Variants in ITPR1 observed in about 807,000 individuals in gnomAD.
ITPR1 encodes the protein inositol 1,4,5-trisphosphate-gated calcium channel ITPR1.
Under a neutral mutation model 318.4 loss-of-function variants are expected in ITPR1, and 96 were observed. That is an observed-to-expected ratio of 0.30 (90% confidence interval 0.26 to 0.36). The LOEUF (loss-of-function observed/expected upper bound fraction) is 0.36. Among genes scored for constraint, ITPR1 ranks in the 10% least tolerant of loss-of-function variants. The pLI is 1.00. For missense variants in ITPR1, 2,440 were observed against 3,460.2 expected (o/e 0.71, Z 7.40); for synonymous variants, 1,312 against 1,289.9 (o/e 1.02, Z -0.37).
At chr3:4,553,657 A>G (rs540977083) in intron 4 of ITPR1, among the ~76,000 whole-genome samples, 1 of 148,888 alleles carries the variant, frequency 6.7e-6, no homozygotes, top group African/African-American at 2.5e-5. Flanking sequence ...CTGGAGTGCA[A>G]TGGCATGATC....
chr3:4,671,003 G>T, intron 20 of ITPR1, 77 bp downstream of exon 20: 1 of 1,090,106 alleles, frequency 9.2e-7, no homozygotes, highest in Non-Finnish European at 1.3e-6. Flanking sequence ...CTCGTTTGTT[G>T]ATTACTTCAA....
At chr3:4,558,169 G>T (rs1447907008) in intron 4 of ITPR1, among the ~76,000 whole-genome samples, 1 of 152,168 alleles carries the variant, frequency 6.6e-6, no homozygotes, top group Non-Finnish European at 1.5e-5. Context: ...TATCTAAGAT[G>T]TAGGGGGAGA....
At chr3:4,646,732 G>C (rs997705809) in intron 10 of ITPR1, among the ~76,000 whole-genome samples, 1 of 152,182 alleles carries the variant, frequency 6.6e-6, no homozygotes, top group East Asian at 1.9e-4. Flanking sequence ...TGAATGCTTG[G>C]TGAAAGAGGC....
intron 4 of ITPR1, among the ~76,000 whole-genome samples, chr3:4,580,244 T>G (rs1445505001): frequency 6.6e-6 from 1 of 152,184 alleles, no homozygotes; most frequent in Non-Finnish European, 1.5e-5. Context: ...TATTATTTTT[T>G]AAAGCATATA....
chr3:4,499,039 G>A (rs1037104701), intron 2 of ITPR1, among the ~76,000 whole-genome samples: 2 of 152,084 alleles, frequency 1.3e-5, no homozygotes, highest in East Asian at 1.9e-4. Flanking sequence ...CCTTGGACTC[G>A]GCTACTCAGG....
intron 44 of ITPR1, chr3:4,750,878 A>C (rs932616909): frequency 6.6e-6 from 1 of 152,602 alleles, no homozygotes; most frequent in Admixed American, 6.5e-5. Context: ...CCGGGACATC[A>C]GAAGTTGTTT....
At chr3:4,652,773 A>T (rs796587221) in intron 11 of ITPR1, among the ~76,000 whole-genome samples, 121 of 152,200 alleles carry the variant, frequency 8.0e-4, no homozygotes, top group African/African-American at 2.8e-3. Context: ...TAATCCCAGC[A>T]CTTTGGGAGG....
rs374409086 is a variant in ITPR1 at position 4,818,066 on chromosome 3, T to C, written c.7868-16T>C. The C allele has an allele frequency of 3.5e-5, 56 of 1,589,068 alleles. 6 individuals are homozygous for C. Among genetic ancestry groups the C allele is most frequent in the Admixed American group, 8.5e-5 (5 of 58,644 alleles). On this transcript the variant is annotated splice_polypyrimidine_tract_variant and intron_variant, in intron 59 of 61. Transcript: ENST00000649015. The stretch of plus-strand genomic sequence containing the variant: ...GCTGCTCAGCTGGGGCTGGGGGCTT[T>C]TTGTCTCATTTTTAGGCTTGGAAAG...
chr3:4,701,055 G>A (rs966275348), intron 35 of ITPR1, among the ~76,000 whole-genome samples: 1 of 152,186 alleles, frequency 6.6e-6, no homozygotes, highest in Non-Finnish European at 1.5e-5. Context: ...TAGGGACACA[G>A]TCAAATCATA....
At chr3:4,760,332 C>T (rs1254662746) in intron 44 of ITPR1, among the ~76,000 whole-genome samples, 3 of 152,226 alleles carry the variant, frequency 2.0e-5, no homozygotes, top group African/African-American at 7.2e-5. Flanking sequence ...ATGCCGTTCC[C>T]TCTGGTGGAG....
At chr3:4,691,679 G>T (rs2125246145) in intron 32 of ITPR1, among the ~76,000 whole-genome samples, 2 of 152,352 alleles carry the variant, frequency 1.3e-5, no homozygotes, top group South Asian at 4.1e-4. Flanking sequence ...CATTCTTGTG[G>T]ATTATGAATT....
At chr3:4,667,632 C>T in intron 18 of ITPR1, 83 bp downstream of exon 18, 2 of 1,326,098 alleles carry the variant, frequency 1.5e-6, no homozygotes, top group Non-Finnish European at 2.1e-6. Flanking sequence ...TACTACGTTT[C>T]CTTGTGCTGC....
chr3:4,632,428 G>C (rs2093042762), intron 5 of ITPR1, among the ~76,000 whole-genome samples: 1 of 152,198 alleles, frequency 6.6e-6, no homozygotes, highest in Admixed American at 6.5e-5. Flanking sequence ...TTGGTGGGTA[G>C]TGTTGCCAAG....
intron 44 of ITPR1, among the ~76,000 whole-genome samples, chr3:4,748,697 G>C (rs890375674): frequency 1.3e-5 from 2 of 152,162 alleles, no homozygotes; most frequent in African/African-American, 4.8e-5. Flanking sequence ...TTGTATGCCT[G>C]TCTTATATTT....
intron 3 of ITPR1, among the ~76,000 whole-genome samples, chr3:4,520,229 G>T (rs1027658938): frequency 4.6e-5 from 7 of 152,174 alleles, no homozygotes; most frequent in South Asian, 2.1e-4. Context: ...CAGAGTCTCA[G>T]TTCCCTCATC....
intron 53 of ITPR1, among the ~76,000 whole-genome samples, chr3:4,795,445 C>T (rs910755332): frequency 2.6e-5 from 4 of 152,228 alleles, no homozygotes; most frequent in Non-Finnish European, 5.9e-5. Context: ...GAGAAAGTCT[C>T]TTAATCAGCC....
chr3:4,528,999 C>G (rs1011254573), intron 4 of ITPR1, among the ~76,000 whole-genome samples: 17 of 152,164 alleles, frequency 1.1e-4, no homozygotes. Context: ...GGGGATGGTG[C>G]CTGCTGCCTG....
chr3:4,764,692 T>C (rs565181006), intron 44 of ITPR1, among the ~76,000 whole-genome samples: 92 of 152,280 alleles, frequency 6.0e-4, no homozygotes, highest in Non-Finnish European at 9.1e-4. Flanking sequence ...TGGGAAGAGC[T>C]AGGAATATAA....
chr3:4,795,629 A>T (rs2047849449), intron 53 of ITPR1, among the ~76,000 whole-genome samples: 1 of 151,950 alleles, frequency 6.6e-6, no homozygotes, highest in African/African-American at 2.4e-5. Context: ...AAGAATTTGT[A>T]AGAAATCTCT....
Sources: allele counts gnomAD v4.1 joint callset (sites outside exome capture counted in the v4.1 genomes callset), GRCh38; gene constraint gnomAD v4.1.1; transcripts MANE v1.5; gene names NCBI Gene and HGNC (gene_info 2026-07-23, HGNC 2026-07-21).